The following CTC1 variants were observed in gnomAD, a reference collection of about 807,000 sequenced individuals.
CTC1 encodes CST complex subunit CTC1.
Under a neutral mutation model 136.3 loss-of-function variants are expected in CTC1, and 91 were observed. The ratio of observed to expected loss-of-function variants is 0.67; its 90% CI spans 0.56 to 0.79. The LOEUF (loss-of-function observed/expected upper bound fraction) is 0.79, where lower values mean the gene tolerates loss of function less well. Among genes scored for constraint, CTC1 ranks in the 30% least tolerant of loss-of-function variants. The probability of loss-of-function intolerance (pLI) is 0.00; values close to 1 mark genes in which losing one functional copy is unlikely to be tolerated. For synonymous variants in CTC1, 606 were observed against 613.8 expected (o/e 0.99, Z 0.19); for missense variants, 1,432 against 1,498.1 (o/e 0.96, Z 0.73).
At position 8,228,139 on chromosome 17, in the gene CTC1, T is replaced by C. The variant is rs1408090806; in HGVS notation, c.*41A>G. The C allele has an allele frequency of 2.0e-5, 32 of 1,599,390 alleles. No individual in the cohort carries two copies. The highest frequency in any genetic ancestry group is 2.6e-5 in the Non-Finnish European group (30 of 1,168,092). On this transcript the variant is annotated 3_prime_UTR_variant, in exon 23 of 23. Coordinates refer to ENST00000651323, the MANE Select transcript of CTC1 (RefSeq NM_025099.6). ...GGAGCCAGGACCTAGGCCTTCAGGT[T>C]TTCAGCAAGGAAGGACTCTCAGGCC...
rs775756557 is a variant in CTC1, at chr17:8,231,833, A to C, written c.2386-18T>G. 13 of 1,613,992 alleles carry C rather than the reference A, an allele frequency of 8.1e-6. No homozygotes were observed. In the African/African-American group the frequency reaches 1.6e-4, roughly 20 times the overall value. On this transcript the variant is annotated intron_variant, in intron 13 of 22. Coordinates refer to ENST00000651323, the MANE Select transcript of CTC1 (RefSeq NM_025099.6). ...AGGTGAACCTGGGAGGATGGAGAGC[A>C]AAGTGCTGGGATCCTAGCCAGAGGC...
At chr17:8,230,845 T>A in intron 15 of CTC1, 194 bp from the exon 16 acceptor site, 1 of 593,532 alleles carries the variant, frequency 1.7e-6, no homozygotes. Context: ...TTGTGGCAGA[T>A]CATTCAAAAC....
At position 8,232,115 on chromosome 17, in the gene CTC1, G is replaced by T; in HGVS notation, c.2173C>A (p.Pro725Thr). 2 of 1,535,806 alleles carry T rather than the reference G, an allele frequency of 1.3e-6. No individual in the cohort carries two copies. Among genetic ancestry groups the T allele is most frequent in the South Asian group, 1.3e-5 (1 of 76,818 alleles). Residue 725 changes from proline (P) to threonine (T), a missense_variant, in exon 13 of 23, where the codon CCC (proline) becomes ACC (threonine). Coordinates refer to ENST00000651323, the MANE Select transcript of CTC1 (RefSeq NM_025099.6). The part of the protein sequence containing the change: ...PQTDPTGPEG[P>T]HLGQSRLFLL... ...AAGAGCCGGCTCTGTCCTAGGTGGGGTCCCTCTGGGCCGGTGGGATCTGTC... is the reference window on the plus strand; with the variant it reads ...AAGAGCCGGCTCTGTCCTAGGTGGGTTCCCTCTGGGCCGGTGGGATCTGTC...
At position 8,227,213 on chromosome 17, in the gene CTC1, A is replaced by AG. The variant is rs1303552273; in HGVS notation, c.*966dup. On this transcript the variant is annotated 3_prime_UTR_variant, in exon 23 of 23. Transcript: ENST00000651323. ...AGCCAGGAAGAAATGGCCTCCCAGT[A>AG]GCTCTGAAAGATGTGCCTCAGCTCA... 1.3e-5 allele frequency: 2 copies of AG among 152,250 alleles called. No individual in the cohort carries two copies. The highest frequency in any genetic ancestry group is 4.8e-5 in the African/African-American group (2 of 41,446). 9.4% of individuals were successfully genotyped at this position (152,250 alleles called of 1,614,324 possible). A position where few individuals can be genotyped will look rare whatever the true frequency, so the allele number is the denominator to read the frequency against.
At chr17:8,239,360 G>A (rs1988024481) in intron 2 of CTC1, among the ~76,000 whole-genome samples, 1 of 152,146 alleles carries the variant, frequency 6.6e-6, no homozygotes, top group Non-Finnish European at 1.5e-5. Context: ...AATGACCCCA[G>A]TCAAGCTCCT....
At position 8,227,875 on chromosome 17, in the gene CTC1, C is replaced by T. The variant is rs1161700028; in HGVS notation, c.*305G>A. On this transcript the variant is annotated 3_prime_UTR_variant, in exon 23 of 23. Transcript: ENST00000651323. ...TAGGCCTGTCACCATCACCCCACAG[C>T]GAGCAAGTCTTTTGTTCCCTCAGCT... 2.1e-5 allele frequency: 6 copies of T among 288,992 alleles called. No homozygotes were observed. The highest frequency in any genetic ancestry group is 4.0e-5 in the Non-Finnish European group (6 of 150,048). The allele number at this position is 288,992 out of a possible 1,614,324, so 17.9% of individuals were successfully genotyped here. A position where few individuals can be genotyped will look rare whatever the true frequency, so the allele number is the denominator to read the frequency against.
intron 7 of CTC1, 187 bp from the exon 8 acceptor site, chr17:8,235,472 G>A (rs1037638937): frequency 1.2e-5 from 7 of 607,938 alleles, no homozygotes; most frequent in Non-Finnish European, 2.0e-5. Context: ...TCTCCCATGA[G>A]CTCCACTCAG....
chr17:8,233,751 G>C (rs1253283906), intron 10 of CTC1, among the ~76,000 whole-genome samples: 1 of 152,050 alleles, frequency 6.6e-6, no homozygotes, highest in Admixed American at 6.5e-5. Context: ...CTGGGTGACA[G>C]AGCAAGATTC....
In CTC1 at chr17:8,231,329, C is replaced by A; in HGVS notation, c.2616G>T (p.Leu872=). ...LESSQDIQDV[L]DANKSLPESS... is the part of the protein sequence containing the mutation. ...ATTCAGGCAATGACTTGTTTGCATC[C>A]AGCACATCTTGGATATCCTGGGAGC... Residue 872 remains leucine, a synonymous_variant, in exon 15 of 23, where the codon CTG becomes CTT. Transcript: ENST00000651323. 1 of 1,606,302 alleles carries A rather than the reference C, an allele frequency of 6.2e-7. No homozygotes were observed. Among genetic ancestry groups the A allele is most frequent in the Non-Finnish European group, 8.5e-7 (1 of 1,174,082 alleles).
intron 22 of CTC1, 46 bp downstream of exon 22, chr17:8,228,457 C>T (rs1446510883): frequency 2.5e-6 from 4 of 1,613,670 alleles, no homozygotes; most frequent in African/African-American, 1.3e-5. Flanking sequence ...CTATCTCTAT[C>T]ACCATGATCC....
rs932608733 is a variant in CTC1 at position 8,235,442 on chromosome 17, C to A, written c.1207-157G>T. ...GCCTCACTTTCCATTACAACCCACT[C>A]CCGCTGCGGTCAGCCTTCATCTCCC... On this transcript the variant is annotated intron_variant, in intron 7 of 22. Transcript: ENST00000651323. The A allele has an allele frequency of 1.6e-5, 10 of 625,366 alleles. No individual in the cohort carries two copies. In the African/African-American group the frequency reaches 1.7e-4, roughly 10 times the overall value. 38.7% of individuals were successfully genotyped at this position (625,366 alleles called of 1,614,324 possible). A position where few individuals can be genotyped will look rare whatever the true frequency, so the allele number is the denominator to read the frequency against.
intron 2 of CTC1, among the ~76,000 whole-genome samples, chr17:8,242,525 T>C (rs1988313956): frequency 1.0e-5 from 1 of 98,390 alleles, no homozygotes. Context: ...GAAATGATAG[T>C]GTAGAGAGAA....
rs201195157 is a variant in CTC1 at position 8,243,157 on chromosome 17, A to C, written c.34-9T>G. The C allele has an allele frequency of 4.5e-4, 727 of 1,609,292 alleles. 1 individual carries two copies. The highest frequency in any genetic ancestry group is 1.3e-3 in the Middle Eastern group (8 of 6,024). On this transcript the variant is annotated splice_polypyrimidine_tract_variant and intron_variant, in intron 1 of 22. Coordinates refer to ENST00000651323, the MANE Select transcript of CTC1 (RefSeq NM_025099.6). ...TCAAGCCAGGCTTGTTCCTGAGGAA[A>C]GTGAATTTAGTTAAAACATCTTGAC...
chr17:8,238,437 G>A lies in CTC1; in HGVS notation c.390C>T (p.Asn130=), dbSNP rs559790131. The A allele has an allele frequency of 1.4e-5, 22 of 1,614,132 alleles. No individual in the cohort carries two copies. Among genetic ancestry groups the A allele is most frequent in the East Asian group, 6.7e-5 (3 of 44,884 alleles). ...TGTTATCTCTCACATAGAGGCTTCC[G>A]TTCCTGCACTCTTGTTCCAAGTCTG... ...LSADLEQECR[N]GSLYVRDNTG... Residue 130 remains asparagine (N), a synonymous_variant, in exon 3 of 23, where the codon AAC becomes AAT. Transcript: ENST00000651323.
Position 8,234,843 on chromosome 17 carries a change from G to C in CTC1, c.1523C>G (p.Ala508Gly). The part of the protein sequence containing the change: ...GSPSLGLQLL[A>G]PTLDLLAPPG... ...CGGAGCTAGAAGATCCAGGGTAGGAGCCAGGAGTTGCAGTCCCAGGCTGGG... is the reference window on the plus strand; with the variant it reads ...CGGAGCTAGAAGATCCAGGGTAGGACCCAGGAGTTGCAGTCCCAGGCTGGG... The change falls in exon 9 of 23, where the codon GCT becomes GGT. Residue 508 changes from alanine to glycine, a missense_variant. Coordinates refer to ENST00000651323, the MANE Select transcript of CTC1 (RefSeq NM_025099.6). 1 of 1,613,528 alleles carries C rather than the reference G, an allele frequency of 6.2e-7. No homozygotes were observed. The highest frequency in any genetic ancestry group is 8.5e-7 in the Non-Finnish European group (1 of 1,179,716).
chr17:8,235,832 T>C lies in CTC1; in HGVS notation c.1205A>G (p.Gln402Arg). Reference protein sequence around the residue: ...RRVMRPGVCLQLQDVHLLQSV... With the variant: ...RRVMRPGVCLRLQDVHLLQSV... ...GTTATCAGCCCTGATCTCACATACC[T>C]GCAGACACACTCCAGGTCGCATCAC... Residue 402 changes from glutamine to arginine, a missense_variant and splice_region_variant, in exon 7 of 23, where the codon CAG (glutamine) becomes CGG (arginine). By Grantham distance (43) the Gln-to-Arg change is conservative. Transcript: ENST00000651323. The C allele has an allele frequency of 6.2e-7, 1 of 1,607,642 alleles. No individual in the cohort carries two copies. The highest frequency in any genetic ancestry group is 8.5e-7 in the Non-Finnish European group (1 of 1,175,192).
At chr17:8,230,769 C>T (rs1987150976) in intron 15 of CTC1, 118 bp from the exon 16 acceptor site, 2 of 781,406 alleles carry the variant, frequency 2.6e-6, no homozygotes, top group Non-Finnish European at 2.2e-6. Context: ...TATATAAAGT[C>T]CTGAAAAAAC....
chr17:8,239,468 G>A (rs991163391), intron 2 of CTC1, among the ~76,000 whole-genome samples: 8 of 151,896 alleles, frequency 5.3e-5, no homozygotes, highest in East Asian at 1.9e-4. Context: ...AATTATCAAC[G>A]TTGTGATAAA....
chr17:8,228,513 G>A lies in CTC1; in HGVS notation c.3504C>T (p.Ile1168=), dbSNP rs760547081. ...CGTCTCCAACCTTACCTAATGGGAC[G>A]ATCTTCGACGGTTTCCTTTCCAGCT... The part of the protein sequence containing the change: ...SFELERKPSK[I]VPLEPPRLQR... Residue 1168 remains isoleucine (I), a synonymous_variant, in exon 22 of 23, where the codon ATC becomes ATT. Coordinates refer to ENST00000651323, the MANE Select transcript of CTC1 (RefSeq NM_025099.6). 23 of 1,613,930 alleles carry A rather than the reference G, an allele frequency of 1.4e-5. No individual in the cohort carries two copies. Among genetic ancestry groups the A allele is most frequent in the African/African-American group, 8.0e-5 (6 of 74,852 alleles).
Sources: gnomAD v4.1 joint callset for allele counts (sites outside exome capture counted in the v4.1 genomes callset) on GRCh38, gnomAD v4.1.1 for gene constraint, MANE v1.5 for transcripts, NCBI Gene and HGNC (gene_info 2026-07-23, HGNC 2026-07-21) for gene names.